The following ZBTB10 variants were observed in gnomAD, a reference collection of about 807,000 sequenced individuals.
ZBTB10 encodes the protein zinc finger and BTB domain containing 10, also known as zinc finger and BTB domain-containing protein 10.
Under a neutral mutation model 76.4 loss-of-function variants are expected in ZBTB10, and 32 were observed. That is an observed-to-expected ratio of 0.42 (90% confidence interval 0.32 to 0.56). The LOEUF is 0.56. ZBTB10 is among the 20% of genes least tolerant of loss of function. The pLI, the probability that ZBTB10 is intolerant of heterozygous loss-of-function variation, is 0.14. For missense variants in ZBTB10, 1,057 were observed against 1,098.5 expected, an observed-to-expected ratio of 0.96 and a Z score of 0.53; for synonymous variants, 523 against 432.9, an observed-to-expected ratio of 1.21 and a Z score of -2.58.
intron 1 of ZBTB10, among the ~76,000 whole-genome samples, chr8:80,494,964 T>TC (rs1232533736): frequency 6.6e-6 from 1 of 150,862 alleles, no homozygotes; most frequent in East Asian, 1.9e-4. Flanking sequence ...TTCCAACTGA[T>TC]CACAGTATCT....
At chr8:80,489,662 T>C (rs888225686) in intron 1 of ZBTB10, among the ~76,000 whole-genome samples, 1 of 152,200 alleles carries the variant, frequency 6.6e-6, no homozygotes, top group African/African-American at 2.4e-5. Context: ...TATCTGCGTC[T>C]TGGAATTCCT....
intron 2 of ZBTB10, among the ~76,000 whole-genome samples, chr8:80,506,455 C>A (rs1816055009): frequency 6.6e-6 from 1 of 151,976 alleles, no homozygotes; most frequent in African/African-American, 2.4e-5. Flanking sequence ...GCTGGGATTA[C>A]AGGCATGTGC....
At position 80,486,410 on chromosome 8, in the gene ZBTB10, G is replaced by C; in HGVS notation, c.-401G>C. The C allele has an allele frequency of 1.0e-6, 1 of 985,320 alleles. No individual in the cohort carries two copies. 61.0% of individuals were successfully genotyped at this position (985,320 alleles called of 1,614,324 possible). A position where few individuals can be genotyped will look rare whatever the true frequency, so the allele number is the denominator to read the frequency against. Reference sequence around the variant, plus strand: ...AAGGATATCTGTGTGGAGGATCGGTGTGTGCGCGCGCGGCTTTAAAGAGGG... The same window carrying C: ...AAGGATATCTGTGTGGAGGATCGGTCTGTGCGCGCGCGGCTTTAAAGAGGG... On this transcript the variant is annotated 5_prime_UTR_variant, in exon 1 of 6. Transcript: ENST00000455036.
rs775092908 is a variant in ZBTB10 at position 80,499,805 on chromosome 8, C to T, written c.1284C>T (p.Asn428=). 1.9e-6 allele frequency: 3 copies of T among 1,613,950 alleles called. No individual in the cohort carries two copies. The highest frequency in any genetic ancestry group is 2.5e-6 in the Non-Finnish European group (3 of 1,179,872). The change falls in exon 2 of 6, where the codon AAC becomes AAT. Residue 428 remains asparagine (N), a synonymous_variant. Coordinates refer to ENST00000455036, the MANE Select transcript of ZBTB10 (RefSeq NM_001105539.3). The part of the protein sequence containing the change: ...SVILDFLYSG[N]LVLTSQNAIE... ...TCTTGGACTTCTTGTATTCTGGTAA[C>T]CTGGTGCTCACAAGCCAAAATGCCA...
At position 80,523,138 on chromosome 8, in the gene ZBTB10, A is replaced by G. The variant is rs898622187; in HGVS notation, c.*3610A>G. The G allele has an allele frequency of 1.1e-4, 17 of 151,852 alleles. No homozygotes were observed. Among genetic ancestry groups the G allele is most frequent in the African/African-American group, 3.9e-4 (16 of 41,398 alleles). The allele number at this position is 151,852 out of a possible 1,614,324, so 9.4% of individuals were successfully genotyped here. A position where few individuals can be genotyped will look rare whatever the true frequency, so the allele number is the denominator to read the frequency against. On this transcript the variant is annotated 3_prime_UTR_variant, in exon 6 of 6. Coordinates refer to ENST00000455036, the MANE Select transcript of ZBTB10 (RefSeq NM_001105539.3). ...TTGTCTCCATTTTATAGATGAGGAA[A>G]GGCTCAGAGAAATTCAGAAACTTGG...
intron 3 of ZBTB10, among the ~76,000 whole-genome samples, chr8:80,515,780 GT>G (rs907870921): frequency 6.6e-6 from 1 of 152,038 alleles, no homozygotes; most frequent in Non-Finnish European, 1.5e-5. Flanking sequence ...TTTTTCCTTA[GT>G]TTTCTATTGT....
chr8:80,513,841 A>G (rs990690678), intron 2 of ZBTB10, 69 bp from the exon 3 acceptor site: 3 of 1,217,348 alleles, frequency 2.5e-6, no homozygotes, highest in African/African-American at 3.0e-5. Flanking sequence ...CAGTTCCAAG[A>G]AAGAGTGGTG....
At chr8:80,504,775 C>CT (rs1240097566) in intron 2 of ZBTB10, among the ~76,000 whole-genome samples, 2 of 152,116 alleles carry the variant, frequency 1.3e-5, no homozygotes, top group African/African-American at 4.8e-5. Context: ...TTTCAAAATC[C>CT]TTGTCTTGCT....
At chr8:80,500,769 A>T (rs181964311) in intron 2 of ZBTB10, among the ~76,000 whole-genome samples, 1 of 152,154 alleles carries the variant, frequency 6.6e-6, no homozygotes, top group East Asian at 1.9e-4. Context: ...GACCCCCTTA[A>T]CCTTTTTTAT....
In ZBTB10 at chr8:80,487,646, C is replaced by T; in HGVS notation, c.836C>T (p.Pro279Leu). Residue 279 changes from proline to leucine, a missense_variant, in exon 1 of 6, where the codon CCT becomes CTT. Physicochemically the swap from Pro to Leu is moderately conservative, Grantham distance 98. Around this residue, in one of 5 missense-constraint regions of ZBTB10, gnomAD observed 556 missense variants for 451.7 expected, o/e 1.23. Coordinates refer to ENST00000455036, the MANE Select transcript of ZBTB10 (RefSeq NM_001105539.3). ...LMSCGWCQKT[P>L]ADGGSVDLPP... Reference sequence around the variant, plus strand: ...TCTTGCGGCTGGTGCCAAAAGACCCCTGCAGATGGGGGAAGCGTGGACCTT... The same window carrying T: ...TCTTGCGGCTGGTGCCAAAAGACCCTTGCAGATGGGGGAAGCGTGGACCTT... 2 of 1,613,936 alleles carry T rather than the reference C, an allele frequency of 1.2e-6. No homozygotes were observed. The highest frequency in any genetic ancestry group is 2.2e-5 in the East Asian group (1 of 44,882).
intron 2 of ZBTB10, among the ~76,000 whole-genome samples, chr8:80,502,755 T>TTTA: frequency 6.6e-6 from 1 of 152,072 alleles, no homozygotes; most frequent in African/African-American, 2.4e-5. Context: ...AAAAAAGACT[T>TTTA]TCACCTTTGT....
rs761019152 is a variant in ZBTB10 at position 80,487,799 on chromosome 8, T to C, written c.972+17T>C. ...AACGCCCAGGTACAGTATATCCTGC[T>C]CCTACTTTTTTGAGATCTTTTAGGG... On this transcript the variant is annotated intron_variant, in intron 1 of 5. Coordinates refer to ENST00000455036, the MANE Select transcript of ZBTB10 (RefSeq NM_001105539.3). 3 of 1,534,070 alleles carry C rather than the reference T, an allele frequency of 2.0e-6. No homozygotes were observed. The highest frequency in any genetic ancestry group is 2.6e-5 in the South Asian group (2 of 78,250).
chr8:80,509,232 T>C (rs905918860), intron 2 of ZBTB10, among the ~76,000 whole-genome samples: 2 of 152,242 alleles, frequency 1.3e-5, no homozygotes, highest in African/African-American at 4.8e-5. Flanking sequence ...ACACATTTAC[T>C]TTTAGTTCTG....
chr8:80,496,746 A>C (rs1416986245), intron 1 of ZBTB10, among the ~76,000 whole-genome samples: 1 of 152,224 alleles, frequency 6.6e-6, no homozygotes, highest in African/African-American at 2.4e-5. Flanking sequence ...AGTGTTTTCA[A>C]CTGCTTGATA....
chr8:80,510,752 G>C (rs1047421803), intron 2 of ZBTB10, among the ~76,000 whole-genome samples: 1 of 152,018 alleles, frequency 6.6e-6, no homozygotes, highest in Non-Finnish European at 1.5e-5. Flanking sequence ...AAGGATTTCT[G>C]CTGTTTGCAA....
At position 80,522,556 on chromosome 8, in the gene ZBTB10, A is replaced by T. The variant is rs1816471431; in HGVS notation, c.*3028A>T. The T allele has an allele frequency of 6.6e-6, 1 of 151,906 alleles. No homozygotes were observed. The allele number at this position is 151,906 out of a possible 1,614,324, so 9.4% of individuals were successfully genotyped here. On this transcript the variant is annotated 3_prime_UTR_variant, in exon 6 of 6. Transcript: ENST00000455036. The stretch of plus-strand genomic sequence containing the variant: ...AGCACACTAGCAATTAAGAGTTTAA[A>T]AAAGAAGAAACGTTATAGGAAAGGG...
chr8:80,493,209 A>ACGCGCG (rs1226235279), intron 1 of ZBTB10, among the ~76,000 whole-genome samples: 24 of 73,310 alleles, frequency 3.3e-4, no homozygotes, highest in Non-Finnish European at 5.1e-4. Flanking sequence ...GCGCGCGCGC[A>ACGCGCG]CACACACACA....
At chr8:80,502,834 CAAAT>C (rs1029365020) in intron 2 of ZBTB10, among the ~76,000 whole-genome samples, 2 of 152,008 alleles carry the variant, frequency 1.3e-5, no homozygotes, top group African/African-American at 4.8e-5. Context: ...ACTATGTAAA[CAAAT>C]GAAGGTAGGT....
intron 2 of ZBTB10, among the ~76,000 whole-genome samples, chr8:80,506,115 C>G (rs1411762508): frequency 6.6e-6 from 1 of 151,916 alleles, no homozygotes; most frequent in Non-Finnish European, 1.5e-5. Context: ...GCTTTAGATT[C>G]AGTTTTGCCA....
Sources: gnomAD v4.1 joint callset for allele counts (sites outside exome capture counted in the v4.1 genomes callset) on GRCh38, gnomAD v4.1.1 for gene constraint, gnomAD v4.1.1 regional missense constraint, MANE v1.5 for transcripts, NCBI Gene and HGNC (gene_info 2026-07-23, HGNC 2026-07-21) for gene names.